SGCZ: variants seen among roughly 807,000 people sequenced by gnomAD.
The protein encoded by SGCZ is zeta-sarcoglycan.
A neutral mutation model predicts 41.3 loss-of-function variants in SGCZ; 40 were observed. That is an observed-to-expected ratio of 0.97 (90% CI 0.75 to 1.26). The LOEUF (loss-of-function observed/expected upper bound fraction) is 1.26, where lower values mean the gene tolerates loss of function less well. Among genes scored for constraint, SGCZ ranks in the 50% most tolerant of loss-of-function variants. The probability of loss-of-function intolerance (pLI) is 0.00; values close to 1 mark genes in which losing one functional copy is unlikely to be tolerated. For synonymous variants in SGCZ, 206 were observed against 137.5 expected (o/e 1.50, Z -3.49); for missense variants, 552 against 369.8 (o/e 1.49, Z -4.04).
At chr8:14,478,383 C>T (rs1412721271) in intron 2 of SGCZ, among the ~76,000 whole-genome samples, 3 of 152,126 alleles carry the variant, frequency 2.0e-5, no homozygotes, top group African/African-American at 7.2e-5. Context: ...CATAAAAATA[C>T]ATGAAGGAAT....
At position 15,198,057 on chromosome 8, in the gene SGCZ, A is replaced by C. The variant is rs891711165; in HGVS notation, c.39+39528T>G. On this transcript the variant is annotated intron_variant, in intron 1 of 7. Transcript: ENST00000382080. ...ATTATATATTTATATTATATATTAC[A>C]TTATATATGTATAATGGCAATTTGA... Among the ~76,000 whole-genome samples, 8 of 148,682 alleles carry C rather than the reference A, an allele frequency of 5.4e-5. No individual in the cohort carries two copies. In the East Asian group the frequency reaches 7.8e-4, roughly 14 times the overall value.
At chr8:14,267,180 T>A (rs1799901129) in intron 3 of SGCZ, among the ~76,000 whole-genome samples, 2 of 152,070 alleles carry the variant, frequency 1.3e-5, no homozygotes, top group Admixed American at 1.3e-4. Context: ...TAGTACATTA[T>A]GGATTAAGTA....
chr8:14,992,798 G>C (rs767652713), intron 1 of SGCZ, among the ~76,000 whole-genome samples: 1 of 120,180 alleles, frequency 8.3e-6, no homozygotes, highest in East Asian at 2.7e-4. Flanking sequence ...CCCAAAACTA[G>C]TGTTACCCTT....
intron 1 of SGCZ, among the ~76,000 whole-genome samples, chr8:14,874,771 T>C (rs1233211574): frequency 1.3e-5 from 2 of 152,088 alleles, no homozygotes; most frequent in Admixed American, 6.6e-5. Flanking sequence ...AAAAGACACA[T>C]GTCTTGTGTT....
chr8:14,549,995 G>T (rs944543656), intron 2 of SGCZ, among the ~76,000 whole-genome samples: 4 of 151,984 alleles, frequency 2.6e-5, no homozygotes. Flanking sequence ...GGGAAAAAAA[G>T]GTGGCATTAA....
intron 1 of SGCZ, among the ~76,000 whole-genome samples, chr8:14,591,831 G>C (rs1429277916): frequency 1.4e-4 from 22 of 152,076 alleles, no homozygotes; most frequent in Non-Finnish European, 1.5e-5. Flanking sequence ...TCTTCTGATA[G>C]TGCAATTTGC....
At chr8:14,364,894 T>C (rs549840474) in intron 2 of SGCZ, among the ~76,000 whole-genome samples, 6 of 152,266 alleles carry the variant, frequency 3.9e-5, no homozygotes, top group Non-Finnish European at 7.4e-5. Context: ...ATAGTTCTTC[T>C]GAAACTTATT....
intron 2 of SGCZ, among the ~76,000 whole-genome samples, chr8:14,456,913 T>C (rs1800762065): frequency 3.3e-5 from 5 of 152,064 alleles, no homozygotes; most frequent in Admixed American, 3.3e-4. Flanking sequence ...CTCTCTCTCT[T>C]GCTTTTTCAG....
At chr8:14,601,981 C>A (rs1044611907) in intron 1 of SGCZ, among the ~76,000 whole-genome samples, 4 of 151,960 alleles carry the variant, frequency 2.6e-5, no homozygotes, top group Middle Eastern at 3.4e-3. Flanking sequence ...TTAGCCGGGC[C>A]TGGTGGCGGG....
At chr8:15,145,743 C>G (rs980742482) in intron 1 of SGCZ, among the ~76,000 whole-genome samples, 2 of 152,170 alleles carry the variant, frequency 1.3e-5, no homozygotes, top group African/African-American at 4.8e-5. Flanking sequence ...GTGTGAGCAC[C>G]ATACGTGGCC....
intron 1 of SGCZ, among the ~76,000 whole-genome samples, chr8:14,695,783 C>T (rs1353708477): frequency 6.6e-6 from 1 of 151,904 alleles, no homozygotes; most frequent in Non-Finnish European, 1.5e-5. Flanking sequence ...TTCACTGGCA[C>T]ATTTACTAGC....
intron 1 of SGCZ, among the ~76,000 whole-genome samples, chr8:14,767,350 A>G (rs977159152): frequency 6.6e-6 from 1 of 152,220 alleles, no homozygotes; most frequent in Non-Finnish European, 1.5e-5. Context: ...GTAAGTTTAG[A>G]TAATAAGGAG....
intron 1 of SGCZ, among the ~76,000 whole-genome samples, chr8:14,647,769 C>T (rs1026879063): frequency 7.2e-5 from 11 of 152,024 alleles, no homozygotes; most frequent in Non-Finnish European, 1.0e-4. Context: ...AACCTGGACA[C>T]TTCCTGTGTG....
chr8:15,136,365 G>A (rs552479642), intron 1 of SGCZ, among the ~76,000 whole-genome samples: 1 of 152,090 alleles, frequency 6.6e-6, no homozygotes, highest in East Asian at 1.9e-4. Context: ...GCCCTGATCT[G>A]AATAGCAGGT....
chr8:14,418,146 G>C (rs1353150113), intron 2 of SGCZ, among the ~76,000 whole-genome samples: 1 of 151,934 alleles, frequency 6.6e-6, no homozygotes, highest in Non-Finnish European at 1.5e-5. Context: ...AGGATGGAAA[G>C]TTCTGGGAGA....
intron 3 of SGCZ, among the ~76,000 whole-genome samples, chr8:14,253,560 T>C (rs6530740): frequency 0.67 from 101,397 of 151,834 alleles, 34,250 homozygotes; most frequent in South Asian, 0.78. Flanking sequence ...GAAATAATAA[T>C]ATTATATCTG....
chr8:14,938,266 A>C (rs956912324), intron 1 of SGCZ, among the ~76,000 whole-genome samples: 3 of 152,144 alleles, frequency 2.0e-5, no homozygotes, highest in African/African-American at 7.2e-5. Context: ...TGGATTCAAA[A>C]ATAAATATGC....
chr8:15,020,070 T>A (rs528162267), intron 1 of SGCZ, among the ~76,000 whole-genome samples: 1 of 152,018 alleles, frequency 6.6e-6, no homozygotes, highest in South Asian at 2.1e-4. Flanking sequence ...GCATCCTCCA[T>A]CAATATCACT....
intron 2 of SGCZ, among the ~76,000 whole-genome samples, chr8:14,382,838 C>G (rs1278012082): frequency 2.6e-5 from 4 of 152,188 alleles, no homozygotes; most frequent in Non-Finnish European, 5.9e-5. Flanking sequence ...AGAACAAATT[C>G]AAACCAAACT....
Sources: allele counts gnomAD v4.1 joint callset (sites outside exome capture counted in the v4.1 genomes callset), GRCh38; gene constraint gnomAD v4.1.1; transcripts MANE v1.5; gene names NCBI Gene and HGNC (gene_info 2026-07-23, HGNC 2026-07-21).